Variants in RAD52 observed in about 807,000 individuals in gnomAD.
RAD52 encodes DNA repair protein RAD52 homolog.
A neutral mutation model predicts 55.5 loss-of-function variants in RAD52; 47 were observed. The observed-to-expected ratio is 0.85, with a 90% CI of 0.67 to 1.08. The LOEUF (loss-of-function observed/expected upper bound fraction) is 1.08, where lower values mean the gene tolerates loss of function less well. RAD52 is among the 50% of genes least tolerant of loss of function. The pLI is 0.00. For synonymous variants in RAD52, 184 were observed against 198.9 expected (o/e 0.92, Z 0.63); for missense variants, 468 against 522.8 (o/e 0.90, Z 1.02).
At chr12:950,751 ACTCT>A (rs1273607613), upstream of RAD52, among the ~76,000 whole-genome samples, 1 of 150,856 alleles carries the variant, frequency 6.6e-6, no homozygotes, top group African/African-American at 2.4e-5. Context: ...TTTTCAACTT[ACTCT>A]CTTAGAAATT....
chr12:926,961 T>C (rs377462518), intron 6 of RAD52, 184 bp downstream of exon 6: 22 of 1,550,148 alleles, frequency 1.4e-5, no homozygotes, highest in East Asian at 2.4e-5. Flanking sequence ...AACAGAAACA[T>C]TGAAAAAATA....
Position 911,788 on chromosome 12 carries a change from C to A in RAD52, c.*1603G>T, listed in dbSNP as rs750384537. Reference sequence around the variant, plus strand: ...TCTAGTACTTTTTACTTTGGGAGGCCGAGGTGGGCAGATCACTTGAGGTCA... The same window carrying A: ...TCTAGTACTTTTTACTTTGGGAGGCAGAGGTGGGCAGATCACTTGAGGTCA... On this transcript the variant is annotated 3_prime_UTR_variant, in exon 12 of 12. Transcript: ENST00000358495. Among the ~76,000 whole-genome samples the A allele has an allele frequency of 6.6e-4, 100 of 152,214 alleles. No individual in the cohort carries two copies. The highest frequency in any genetic ancestry group is 3.1e-4 in the Non-Finnish European group (21 of 68,018).
At chr12:990,100 T>C (rs1176622828), upstream of RAD52, 1 of 152,172 alleles carries the variant, frequency 6.6e-6, no homozygotes, top group African/African-American at 2.4e-5. Flanking sequence ...GGTGAGTGAA[T>C]GAATGTGAAG....
intron 1 of RAD52, among the ~76,000 whole-genome samples, chr12:958,064 TC>T (rs1004031575): frequency 6.6e-6 from 1 of 152,144 alleles, no homozygotes; most frequent in Non-Finnish European, 1.5e-5. Flanking sequence ...GAGGTGCTGC[TC>T]CCAGCCCAGA....
intron 1 of RAD52, among the ~76,000 whole-genome samples, chr12:988,280 A>C (rs933118353): frequency 1.3e-5 from 2 of 152,220 alleles, no homozygotes; most frequent in Non-Finnish European, 2.9e-5. Flanking sequence ...TTCAAGATCT[A>C]TTTTTAAACC....
At chr12:983,629 A>G (rs1324896529) in intron 1 of RAD52, among the ~76,000 whole-genome samples, 1 of 152,154 alleles carries the variant, frequency 6.6e-6, no homozygotes, top group African/African-American at 2.4e-5. Flanking sequence ...CATGTTGGCC[A>G]GGCTGGTCTC....
chr12:926,915 G>A (rs983305128), intron 6 of RAD52: 2 of 1,537,150 alleles, frequency 1.3e-6, no homozygotes, highest in African/African-American at 2.7e-5. Flanking sequence ...AGAGAGTACA[G>A]GATTCTACCA....
chr12:954,105 T>C (rs1379334869), upstream of RAD52, among the ~76,000 whole-genome samples: 2 of 152,250 alleles, frequency 1.3e-5, no homozygotes, highest in Non-Finnish European at 2.9e-5. Flanking sequence ...TTTTAAGCAC[T>C]TCCTGTGCAT....
At chr12:946,038 A>G (rs1958209069) in intron 1 of RAD52, among the ~76,000 whole-genome samples, 2 of 151,912 alleles carry the variant, frequency 1.3e-5, no homozygotes, top group African/African-American at 4.8e-5. Context: ...AAAACAAAAA[A>G]ACACGGTGGG....
intron 1 of RAD52, among the ~76,000 whole-genome samples, chr12:973,207 C>G (rs1794507616): frequency 6.6e-6 from 1 of 151,984 alleles, no homozygotes; most frequent in South Asian, 2.1e-4. Context: ...GTAGCTGGGA[C>G]TACAGGCGCC....
At chr12:979,805 T>C (rs61917248) in intron 1 of RAD52, among the ~76,000 whole-genome samples, 33,705 of 152,128 alleles carry the variant, frequency 0.22, 4,518 homozygotes, top group Non-Finnish European at 0.31. Context: ...CCCAGCACTT[T>C]GGGAGGCTGA....
chr12:918,790 CT>C (rs1212359357), intron 7 of RAD52, among the ~76,000 whole-genome samples: 1 of 151,938 alleles, frequency 6.6e-6, no homozygotes, highest in South Asian at 2.1e-4. Flanking sequence ...ACAGCTGGGC[CT>C]TCTCGGTACT....
At chr12:929,722 G>T in intron 5 of RAD52, 97 bp downstream of exon 5, 1 of 1,173,142 alleles carries the variant, frequency 8.5e-7, no homozygotes, top group East Asian at 2.3e-5. Flanking sequence ...CAACTCTGGA[G>T]CCTGGGTCCC....
chr12:928,577 GAAAA>G (rs1957165197), intron 5 of RAD52, among the ~76,000 whole-genome samples: 1 of 151,338 alleles, frequency 6.6e-6, no homozygotes, highest in Non-Finnish European at 1.5e-5. Context: ...TAAACTAACT[GAAAA>G]GAAAAAACAG....
chr12:914,178 A>T, intron 10 of RAD52, 57 bp from the exon 11 acceptor site: 1 of 1,516,290 alleles, frequency 6.6e-7, no homozygotes, highest in Non-Finnish European at 9.0e-7. Flanking sequence ...TCTCACAGAA[A>T]GCACTGGAAA....
upstream of RAD52, among the ~76,000 whole-genome samples, chr12:953,264 A>G (rs10849601): frequency 0.49 from 73,657 of 151,176 alleles, 18,126 homozygotes; most frequent in Non-Finnish European, 0.53. Context: ...AGATTGTGCC[A>G]TTGCACTCCA....
At chr12:988,213 G>A (rs910914326) in intron 1 of RAD52, among the ~76,000 whole-genome samples, 1 of 152,192 alleles carries the variant, frequency 6.6e-6, no homozygotes. Flanking sequence ...TAAAAGTTCA[G>A]TGACTTTATC....
intron 1 of RAD52, among the ~76,000 whole-genome samples, chr12:960,066 T>C (rs1238321025): frequency 1.3e-5 from 2 of 151,690 alleles, no homozygotes; most frequent in African/African-American, 4.8e-5. Context: ...GATTTGGGGG[T>C]TTAAGTTTAT....
chr12:928,445 A>T (rs1459026842), intron 5 of RAD52, among the ~76,000 whole-genome samples: 1 of 151,974 alleles, frequency 6.6e-6, no homozygotes, highest in Admixed American at 6.6e-5. Flanking sequence ...TGAACCCAGG[A>T]GGTGGAGGTT....
Sources: allele counts gnomAD v4.1 joint callset (sites outside exome capture counted in the v4.1 genomes callset), GRCh38; gene constraint gnomAD v4.1.1; transcripts MANE v1.5; gene names NCBI Gene and HGNC (gene_info 2026-07-23, HGNC 2026-07-21).